TRIO: variants seen among roughly 807,000 people sequenced by gnomAD.
The protein encoded by TRIO is triple functional domain protein.
A neutral mutation model predicts 351.9 loss-of-function variants in TRIO; 58 were observed. That is an observed-to-expected ratio of 0.16 (90% CI 0.13 to 0.21). TRIO has a LOEUF of 0.21. Ranked by LOEUF, TRIO falls within the 10% of genes least tolerant of loss-of-function variation. The probability of loss-of-function intolerance (pLI) is 1.00; values close to 1 mark genes in which losing one functional copy is unlikely to be tolerated. For missense variants in TRIO, 3,201 were observed against 4,027.8 expected (o/e 0.79, Z 5.56); for synonymous variants, 1,758 against 1,595.7 (o/e 1.10, Z -2.42).
At chr5:14,254,761 A>T (rs1794936250) in intron 1 of TRIO, among the ~76,000 whole-genome samples, 1 of 152,160 alleles carries the variant, frequency 6.6e-6, no homozygotes, top group South Asian at 2.1e-4. Flanking sequence ...CATTATTTCT[A>T]CGGGAAAATA....
In TRIO at chr5:14,488,244, C is replaced by T; in HGVS notation, c.7616C>T (p.Ser2539Phe). The change falls in exon 48 of 57, where the codon TCC becomes TTC. Residue 2539 changes from serine (S) to phenylalanine (F), a missense_variant. By Grantham distance (155) the Ser-to-Phe change is radical. Coordinates refer to ENST00000344204, the MANE Select transcript of TRIO (RefSeq NM_007118.4). The part of the protein sequence containing the change: ...CSSASEQSVQ[S>F]TQSNGSESSS... ...TCGGCCAGCGAGCAGTCCGTGCAGT[C>T]CACCCAGAGCAACGGGGTAAGCGCG... 2 of 1,578,654 alleles carry T rather than the reference C, an allele frequency of 1.3e-6. No individual in the cohort carries two copies. The highest frequency in any genetic ancestry group is 1.7e-6 in the Non-Finnish European group (2 of 1,169,860).
intron 34 of TRIO, among the ~76,000 whole-genome samples, chr5:14,443,859 G>T (rs1752245076): frequency 6.6e-6 from 1 of 152,238 alleles, no homozygotes; most frequent in Non-Finnish European, 1.5e-5. Flanking sequence ...TTTCCAATGG[G>T]AGAGCCTAGT....
chr5:14,471,285 G>A, intron 37 of TRIO, 33 bp from the exon 38 acceptor site: 4 of 1,608,276 alleles, frequency 2.5e-6, no homozygotes, highest in Non-Finnish European at 3.4e-6. Flanking sequence ...GCTGTGGGCA[G>A]TAAGTGTTGT....
At chr5:14,281,018 T>C (rs1735947674) in intron 3 of TRIO, among the ~76,000 whole-genome samples, 1 of 152,150 alleles carries the variant, frequency 6.6e-6, no homozygotes, top group South Asian at 2.1e-4. Flanking sequence ...TGGGGAGTCA[T>C]GAGTTACTAG....
intron 9 of TRIO, among the ~76,000 whole-genome samples, chr5:14,319,562 G>A (rs984987177): frequency 1.3e-4 from 20 of 152,178 alleles, no homozygotes; most frequent in Admixed American, 3.9e-4. Context: ...AGTAGTAACC[G>A]AAATCCATAA....
chr5:14,272,429 T>G (rs918845030), intron 2 of TRIO, among the ~76,000 whole-genome samples: 2 of 152,260 alleles, frequency 1.3e-5, no homozygotes, highest in Non-Finnish European at 2.9e-5. Flanking sequence ...TTTGTATTCA[T>G]GCTTTTATTA....
intron 9 of TRIO, among the ~76,000 whole-genome samples, chr5:14,329,265 C>A (rs1214827981): frequency 1.3e-5 from 2 of 152,174 alleles, no homozygotes; most frequent in East Asian, 3.8e-4. Context: ...TTCTTTAGTC[C>A]AAGGTGATTT....
At chr5:14,372,176 G>GGTT (rs1002154357) in intron 18 of TRIO, among the ~76,000 whole-genome samples, 2 of 149,390 alleles carry the variant, frequency 1.3e-5, no homozygotes, top group Non-Finnish European at 3.0e-5. Flanking sequence ...ATTTTTGTTA[G>GGTT]GTTGTGAGCC....
chr5:14,197,346 G>GC (rs1790843079), intron 1 of TRIO, among the ~76,000 whole-genome samples: 1 of 152,144 alleles, frequency 6.6e-6, no homozygotes, highest in African/African-American at 2.4e-5. Context: ...AGCCCCAGTC[G>GC]CAGAGCCTTT....
intron 1 of TRIO, among the ~76,000 whole-genome samples, chr5:14,214,293 C>T (rs1003306683): frequency 6.6e-5 from 10 of 152,286 alleles, no homozygotes; most frequent in Admixed American, 6.5e-4. Flanking sequence ...GCCCTTCAGG[C>T]CCCAAGGAAG....
At chr5:14,331,439 T>C (rs1204178788) in intron 10 of TRIO, among the ~76,000 whole-genome samples, 1 of 152,236 alleles carries the variant, frequency 6.6e-6, no homozygotes. Context: ...ATTTTTCTTA[T>C]AGTCAACTTC....
chr5:14,308,276 T>C (rs1738551611), intron 8 of TRIO, among the ~76,000 whole-genome samples: 1 of 147,332 alleles, frequency 6.8e-6, no homozygotes. Context: ...TAACCACCCG[T>C]TGTTCATCCA....
At chr5:14,244,980 C>CGAGTT (rs1561245160) in intron 1 of TRIO, among the ~76,000 whole-genome samples, 2 of 152,144 alleles carry the variant, frequency 1.3e-5, no homozygotes, top group African/African-American at 2.4e-5. Flanking sequence ...GATGCAGCTC[C>CGAGTT]GAGTTAAGTA....
At chr5:14,191,604 A>C (rs1323573347) in intron 1 of TRIO, among the ~76,000 whole-genome samples, 2 of 152,106 alleles carry the variant, frequency 1.3e-5, no homozygotes, top group African/African-American at 4.8e-5. Context: ...TGGGCACAGC[A>C]AACTGTCCAC....
rs55799712 is a variant in TRIO at position 14,308,649 on chromosome 5, TCATCCATCCATCCATCCATC to T, written c.1500+4073_1500+4092del. Among the ~76,000 whole-genome samples the T allele has an allele frequency of 3.9e-4, 54 of 139,262 alleles. 2 individuals carry two copies. 91.4% of individuals were successfully genotyped at this position (139,262 alleles called of 152,430 possible). ...AACCAGTCACCCAACCACCCATTCA[TCATCCATCCATCCATCCATC>T]CATCCATCCATCCATTCATTCTCCT... On this transcript the variant is annotated intron_variant, in intron 8 of 56. Coordinates refer to ENST00000344204, the MANE Select transcript of TRIO (RefSeq NM_007118.4).
intron 1 of TRIO, among the ~76,000 whole-genome samples, chr5:14,167,139 T>C (rs553255009): frequency 2.0e-5 from 3 of 151,380 alleles, no homozygotes; most frequent in Non-Finnish European, 4.4e-5. Context: ...AGGTTTCCTT[T>C]GAGATTTAAG....
intron 13 of TRIO, among the ~76,000 whole-genome samples, chr5:14,360,355 A>G (rs1433610640): frequency 6.6e-6 from 1 of 152,146 alleles, no homozygotes; most frequent in East Asian, 1.9e-4. Context: ...TCACATGAGC[A>G]CGAATTTACC....
At chr5:14,361,196 T>G (rs1196752327) in intron 13 of TRIO, among the ~76,000 whole-genome samples, 1 of 152,232 alleles carries the variant, frequency 6.6e-6, no homozygotes, top group African/African-American at 2.4e-5. Flanking sequence ...ATCGATTCGT[T>G]TATCTTAATA....
chr5:14,183,751 A>C, intron 1 of TRIO: 1 of 508,196 alleles, frequency 2.0e-6, no homozygotes. Flanking sequence ...CTGAGGAGGG[A>C]AGGCATGCGG....
Sources: allele counts gnomAD v4.1 joint callset (sites outside exome capture counted in the v4.1 genomes callset), GRCh38; gene constraint gnomAD v4.1.1; transcripts MANE v1.5; gene names NCBI Gene and HGNC (gene_info 2026-07-23, HGNC 2026-07-21).